SLC35D4: variants seen among roughly 807,000 people sequenced by gnomAD.
The protein encoded by SLC35D4 is solute carrier family 35 member D4.
chr18:23,437,531 AT>A, the SLC35D4 span, among the ~76,000 whole-genome samples: 1 of 152,140 alleles, frequency 6.6e-6, no homozygotes, highest in Non-Finnish European at 1.5e-5. Context: ...TTCCCGGGAA[AT>A]GGCCAGCCCA....
the SLC35D4 span, among the ~76,000 whole-genome samples, chr18:23,431,868 C>T: frequency 6.6e-6 from 1 of 152,118 alleles, no homozygotes; most frequent in Non-Finnish European, 1.5e-5. Flanking sequence ...AACCATTAAA[C>T]GGCTTTAGGC....
At chr18:23,430,699 A>G in the SLC35D4 span, 6 of 1,603,708 alleles carry the variant, frequency 3.7e-6, no homozygotes, top group South Asian at 1.1e-5. Context: ...ACACCAAATT[A>G]CTGGACATTT....
chr18:23,378,043 A>G, the SLC35D4 span, among the ~76,000 whole-genome samples: 1 of 151,634 alleles, frequency 6.6e-6, no homozygotes, highest in African/African-American at 2.4e-5. Context: ...CCATTTATCT[A>G]TCTATCTAGT....
chr18:23,355,900 C>T, the SLC35D4 span, among the ~76,000 whole-genome samples: 7 of 152,282 alleles, frequency 4.6e-5, no homozygotes, highest in Admixed American at 1.3e-4. Flanking sequence ...TCTATCATAT[C>T]GGGATACCAC....
chr18:23,311,395 TC>T, the SLC35D4 span, among the ~76,000 whole-genome samples: 571 of 82,546 alleles, frequency 6.9e-3, 6 homozygotes, highest in African/African-American at 0.026. Flanking sequence ...GCCTGGCCCT[TC>T]TTTTTTTTTT....
At chr18:23,321,907 T>A in the SLC35D4 span, among the ~76,000 whole-genome samples, 1 of 152,224 alleles carries the variant, frequency 6.6e-6, no homozygotes, top group Non-Finnish European at 1.5e-5. Flanking sequence ...ACAGCCTTTT[T>A]CCCTTCGGAT....
the SLC35D4 span, among the ~76,000 whole-genome samples, chr18:23,244,562 T>A: frequency 2.8e-4 from 43 of 152,210 alleles, 1 homozygote; most frequent in Non-Finnish European, 7.3e-5. Context: ...ATAGATTTAG[T>A]CGAGGGCCAC....
At chr18:23,284,729 A>G in the SLC35D4 span, among the ~76,000 whole-genome samples, 2 of 151,942 alleles carry the variant, frequency 1.3e-5, no homozygotes, top group African/African-American at 2.4e-5. Flanking sequence ...TCCATTAACC[A>G]CACTGGCAAA....
the SLC35D4 span, among the ~76,000 whole-genome samples, chr18:23,286,669 C>T: frequency 6.6e-5 from 10 of 152,004 alleles, no homozygotes; most frequent in Admixed American, 2.0e-4. Context: ...TTTTCAAGGG[C>T]CTGTTTCCCT....
the SLC35D4 span, chr18:23,370,203 AAAAAG>A: frequency 8.9e-5 from 143 of 1,600,612 alleles, no homozygotes; most frequent in Admixed American, 3.2e-4. Flanking sequence ...GGAAAAAAAA[AAAAAG>A]AGTTTACCTT....
At chr18:23,305,118 T>C in the SLC35D4 span, among the ~76,000 whole-genome samples, 11 of 152,344 alleles carry the variant, frequency 7.2e-5, no homozygotes, top group East Asian at 1.9e-3. Context: ...ATAGCTATGG[T>C]ATAAAAAACC....
At chr18:23,241,627 ATGTT>A in the SLC35D4 span, among the ~76,000 whole-genome samples, 8 of 152,204 alleles carry the variant, frequency 5.3e-5, no homozygotes, top group African/African-American at 1.9e-4. Flanking sequence ...GCTGCCATGA[ATGTT>A]CTTGTGCATG....
the SLC35D4 span, among the ~76,000 whole-genome samples, chr18:23,342,520 A>T: frequency 5.3e-5 from 8 of 152,284 alleles, no homozygotes; most frequent in African/African-American, 1.9e-4. Context: ...TCTTATGAAT[A>T]ATGCTAATAT....
chr18:23,321,496 G>T, the SLC35D4 span, among the ~76,000 whole-genome samples: 3 of 151,748 alleles, frequency 2.0e-5, no homozygotes, highest in South Asian at 2.1e-4. Flanking sequence ...TTGCTCTGTC[G>T]CCCAGGCTGG....
the SLC35D4 span, among the ~76,000 whole-genome samples, chr18:23,240,784 C>T: frequency 6.6e-6 from 1 of 152,230 alleles, no homozygotes; most frequent in African/African-American, 2.4e-5. Flanking sequence ...CTGGGACTGT[C>T]CTCCCCTGTT....
the SLC35D4 span, among the ~76,000 whole-genome samples, chr18:23,409,758 G>T: frequency 6.6e-6 from 1 of 151,172 alleles, no homozygotes; most frequent in African/African-American, 2.4e-5. Context: ...GCAGGAGAAT[G>T]GATTGAACCC....
the SLC35D4 span, among the ~76,000 whole-genome samples, chr18:23,359,430 A>G: frequency 6.6e-6 from 1 of 151,870 alleles, no homozygotes; most frequent in Non-Finnish European, 1.5e-5. Flanking sequence ...CTACAGCAAC[A>G]CGCGGCTTAT....
chr18:23,398,412 C>T, the SLC35D4 span, among the ~76,000 whole-genome samples: 2 of 152,096 alleles, frequency 1.3e-5, no homozygotes, highest in South Asian at 2.1e-4. Context: ...TAGTCTATGG[C>T]GTAGGAGAGG....
the SLC35D4 span, among the ~76,000 whole-genome samples, chr18:23,433,711 G>A: frequency 6.6e-6 from 1 of 152,116 alleles, no homozygotes; most frequent in Non-Finnish European, 1.5e-5. Flanking sequence ...ACAATAGAAG[G>A]GGGTCAGAAT....
Sources: gnomAD v4.1 joint callset for allele counts (sites outside exome capture counted in the v4.1 genomes callset) on GRCh38, gnomAD v4.1.1 for gene constraint, MANE v1.5 for transcripts, NCBI Gene and HGNC (gene_info 2026-07-23, HGNC 2026-07-21) for gene names.